Variants in PARVA observed in about 807,000 individuals in gnomAD.
PARVA encodes parvin alpha.
In PARVA, 25 loss-of-function variants were observed where a neutral mutation model predicts 52.6. The observed-to-expected ratio is 0.48, with a 90% CI of 0.35 to 0.66. The LOEUF is 0.66. PARVA is among the 30% of genes least tolerant of loss of function. The pLI, the probability that PARVA is intolerant of heterozygous loss-of-function variation, is 0.01. For synonymous variants in PARVA, 185 were observed against 179.1 expected, an observed-to-expected ratio of 1.03 and a Z score of -0.26; for missense variants, 373 against 450.9, an observed-to-expected ratio of 0.83 and a Z score of 1.56.
chr11:12,514,309 C>G (rs1941542324), intron 10 of PARVA, among the ~76,000 whole-genome samples: 1 of 152,204 alleles, frequency 6.6e-6, no homozygotes, highest in Admixed American at 6.5e-5. Flanking sequence ...AATATTTGGC[C>G]ACACCTCTCT....
intron 1 of PARVA, among the ~76,000 whole-genome samples, chr11:12,452,245 T>G (rs1399663166): frequency 6.6e-6 from 1 of 152,154 alleles, no homozygotes; most frequent in Admixed American, 6.5e-5. Context: ...AGGGCCAGAA[T>G]GACAGTTATT....
At position 12,534,305 on chromosome 11, in the gene PARVA, G is replaced by A. The variant is rs147877927; in HGVS notation, c.*6380G>A. Among the ~76,000 whole-genome samples, 799 of 152,212 alleles carry A rather than the reference G, an allele frequency of 5.2e-3. 5 individuals carry two copies. The highest frequency in any genetic ancestry group is 0.018 in the African/African-American group (742 of 41,526). ...TCCAGAAATATGCTTGGAAATCCCCGCTTGAAATCTCCTTGGTTGGAAACC... is the reference window on the plus strand; with the variant it reads ...TCCAGAAATATGCTTGGAAATCCCCACTTGAAATCTCCTTGGTTGGAAACC... On this transcript the variant is annotated 3_prime_UTR_variant, in exon 13 of 13. Transcript: ENST00000334956.
chr11:12,516,309 TA>T, intron 10 of PARVA, among the ~76,000 whole-genome samples: 1 of 152,306 alleles, frequency 6.6e-6, no homozygotes, highest in East Asian at 1.9e-4. Flanking sequence ...TATACACTCA[TA>T]AACATTTGGT....
At chr11:12,509,378 A>T (rs1256365961) in intron 7 of PARVA, among the ~76,000 whole-genome samples, 1 of 152,200 alleles carries the variant, frequency 6.6e-6, no homozygotes, top group Non-Finnish European at 1.5e-5. Context: ...CTTACTCACC[A>T]GGTGAGTCCC....
At chr11:12,465,223 T>C (rs1940838519) in intron 1 of PARVA, among the ~76,000 whole-genome samples, 1 of 152,086 alleles carries the variant, frequency 6.6e-6, no homozygotes, top group African/African-American at 2.4e-5. Flanking sequence ...ATAGGACTGG[T>C]GGCTTTATAA....
intron 6 of PARVA, among the ~76,000 whole-genome samples, chr11:12,506,846 T>C (rs1941436757): frequency 6.6e-6 from 1 of 152,166 alleles, no homozygotes. Flanking sequence ...CAGGATGCTG[T>C]GTGAGGGGTT....
intron 1 of PARVA, among the ~76,000 whole-genome samples, chr11:12,445,860 C>T (rs867883966): frequency 6.6e-6 from 1 of 152,134 alleles, no homozygotes; most frequent in African/African-American, 2.4e-5. Context: ...ATCACATGTT[C>T]CAATTTTTGA....
At chr11:12,382,247 T>A (rs1939501043) in intron 1 of PARVA, among the ~76,000 whole-genome samples, 1 of 152,034 alleles carries the variant, frequency 6.6e-6, no homozygotes, top group Non-Finnish European at 1.5e-5. Context: ...AGTTCTTGTG[T>A]GTATGTGTAC....
upstream of PARVA, chr11:12,377,332 C>A: frequency 9.8e-7 from 1 of 1,015,262 alleles, no homozygotes. Context: ...CTTTCCGGCT[C>A]GACCGCTCCC....
At chr11:12,453,086 T>TG (rs142579184) in intron 1 of PARVA, 36,200 of 453,586 alleles carry the variant, frequency 0.08, 1,621 homozygotes, top group Middle Eastern at 0.14. Flanking sequence ...GATTCTTTGT[T>TG]GGGGGGGCGC....
At chr11:12,378,552 A>C (rs1056392983) in intron 1 of PARVA, among the ~76,000 whole-genome samples, 1 of 148,272 alleles carries the variant, frequency 6.7e-6, no homozygotes, top group Non-Finnish European at 1.5e-5. Context: ...TCCCCACCAG[A>C]GTGAATTGAG....
chr11:12,456,783 G>A (rs1349927004), intron 1 of PARVA, among the ~76,000 whole-genome samples: 1 of 152,092 alleles, frequency 6.6e-6, no homozygotes, highest in Non-Finnish European at 1.5e-5. Context: ...GATGACTTAA[G>A]TGATATCCCC....
chr11:12,380,994 C>T (rs1197180097), intron 1 of PARVA, among the ~76,000 whole-genome samples: 1 of 152,156 alleles, frequency 6.6e-6, no homozygotes, highest in African/African-American at 2.4e-5. Context: ...GTCCTGATTC[C>T]TTCATTCAGT....
At chr11:12,442,067 C>T (rs1214828097) in intron 1 of PARVA, among the ~76,000 whole-genome samples, 1 of 152,238 alleles carries the variant, frequency 6.6e-6, no homozygotes, top group African/African-American at 2.4e-5. Flanking sequence ...CCTACCAATC[C>T]AAACTTTACT....
chr11:12,435,685 C>G (rs1450296149), intron 1 of PARVA, among the ~76,000 whole-genome samples: 1 of 152,184 alleles, frequency 6.6e-6, no homozygotes, highest in Admixed American at 6.5e-5. Flanking sequence ...GCAGTGGAAA[C>G]AGTGTAGGGT....
In PARVA at chr11:12,533,018, C is replaced by T. The variant is rs760498715; in HGVS notation, c.*5093C>T. 6.6e-5 allele frequency among the ~76,000 whole-genome samples: 10 copies of T among 152,120 alleles called. No homozygotes were observed. The highest frequency in any genetic ancestry group is 5.8e-4 in the East Asian group (3 of 5,200). On this transcript the variant is annotated 3_prime_UTR_variant, in exon 13 of 13. Coordinates refer to ENST00000334956, the MANE Select transcript of PARVA (RefSeq NM_018222.5). Reference sequence around the variant, plus strand: ...TCATACCATGGTCCTGGCTGGGGAGCGGAGGAGACCAGGAGAGGAGATCAG... The same window carrying T: ...TCATACCATGGTCCTGGCTGGGGAGTGGAGGAGACCAGGAGAGGAGATCAG...
intron 1 of PARVA, 110 bp downstream of exon 1, chr11:12,377,893 G>C (rs952225855): frequency 5.1e-6 from 3 of 590,914 alleles, no homozygotes; most frequent in Non-Finnish European, 7.0e-6. Flanking sequence ...TGCCCGGCGC[G>C]GTGGGGCGCG....
Position 12,420,866 on chromosome 11 carries a change from T to A in PARVA, c.136+43083T>A, listed in dbSNP as rs371220449. On this transcript the variant is annotated intron_variant, in intron 1 of 12. Coordinates refer to ENST00000334956, the MANE Select transcript of PARVA (RefSeq NM_018222.5). ...GTAAATGGCATAACTAGCATTCAAG[T>A]CCAGGCGGTAGAGTCCAGAGCCTGT... Among the ~76,000 whole-genome samples the A allele has an allele frequency of 4.9e-4, 75 of 152,204 alleles. 1 individual carries two copies. In the South Asian group the frequency reaches 0.015, roughly 31 times the overall value.
intron 3 of PARVA, chr11:12,477,183 C>A (rs145849852): frequency 6.6e-6 from 1 of 152,046 alleles, no homozygotes; most frequent in Non-Finnish European, 1.5e-5. Context: ...GCAGCCTTGA[C>A]CTCCCGGTTC....
Sources: allele counts gnomAD v4.1 joint callset (sites outside exome capture counted in the v4.1 genomes callset), GRCh38; gene constraint gnomAD v4.1.1; transcripts MANE v1.5; gene names NCBI Gene and HGNC (gene_info 2026-07-23, HGNC 2026-07-21).